PUS3: variants seen among roughly 807,000 people sequenced by gnomAD.
PUS3 encodes tRNA pseudouridine(38/39) synthase.
In PUS3, 36 loss-of-function variants were observed where a neutral mutation model predicts 43.3. That is an observed-to-expected ratio of 0.83 (90% CI 0.64 to 1.10). The LOEUF (loss-of-function observed/expected upper bound fraction) is 1.10, where lower values mean the gene tolerates loss of function less well. Ranked by LOEUF, PUS3 falls within the 50% of genes least tolerant of loss-of-function variation. The pLI, the probability that PUS3 is intolerant of heterozygous loss-of-function variation, is 0.00. For missense variants in PUS3, 544 were observed against 589.9 expected (o/e 0.92, Z 0.81); for synonymous variants, 183 against 199.2 (o/e 0.92, Z 0.69).
intron 3 of PUS3, 92 bp from the exon 4 acceptor site, chr11:125,894,378 G>T: frequency 9.9e-7 from 1 of 1,005,736 alleles, no homozygotes; most frequent in Non-Finnish European, 1.5e-6. Context: ...AAGGGAGCCG[G>T]GTAGGGCGCC....
chr11:125,898,142 A>G (rs1425557600), intron 1 of PUS3, among the ~76,000 whole-genome samples: 1 of 152,206 alleles, frequency 6.6e-6, no homozygotes, highest in African/African-American at 2.4e-5. Flanking sequence ...TAGATAAATC[A>G]TAAGAAATTG....
Position 125,895,992 on chromosome 11 carries a change from G to T in PUS3, c.293C>A (p.Thr98Asn). 6.2e-7 allele frequency: 1 copy of T among 1,614,130 alleles called. No individual in the cohort carries two copies. Among genetic ancestry groups the T allele is most frequent in the South Asian group, 1.1e-5 (1 of 91,086 alleles). The change falls in exon 2 of 4, where the codon ACC (threonine) becomes AAC (asparagine). Residue 98 changes from threonine (T) to asparagine (N), a missense_variant. By Grantham distance (65) the Thr-to-Asn change is moderately conservative. Coordinates refer to ENST00000227474, the MANE Select transcript of PUS3 (RefSeq NM_031307.4). ...TIEEKLFEAL[T>N]KTRLVESRQT... ...TCTGCTTTCTACTAGTCGAGTCTTG[G>T]TTAGAGCTTCAAACAGTTTCTCTTC...
At chr11:125,896,965 T>A (rs367685614) in intron 1 of PUS3, among the ~76,000 whole-genome samples, 1 of 152,220 alleles carries the variant, frequency 6.6e-6, no homozygotes, top group Non-Finnish European at 1.5e-5. Flanking sequence ...TCTGACCCCT[T>A]TCTAAAGCTG....
chr11:125,895,479 A>G lies in PUS3; in HGVS notation c.689T>C (p.Val230Ala). 6.2e-7 allele frequency: 1 copy of G among 1,614,082 alleles called. No homozygotes were observed. Among genetic ancestry groups the G allele is most frequent in the East Asian group, 2.2e-5 (1 of 44,902 alleles). ...CTGAAAATTAATCACACCGTTGGCT[A>G]CATCCATTTTACACAAGTTCCTGAA... ...HDFRNLCKMD[V>A]ANGVINFQRT... The change falls in exon 3 of 4, where the codon GTA becomes GCA. Residue 230 changes from valine (V) to alanine (A), a missense_variant. Transcript: ENST00000227474.
rs2134238519 is a variant in PUS3 at position 125,893,637 on chromosome 11, C to T, written c.*148G>A. 1.6e-6 allele frequency: 1 copy of T among 622,900 alleles called. No individual in the cohort carries two copies. The highest frequency in any genetic ancestry group is 2.9e-5 in the East Asian group (1 of 34,726). 38.6% of individuals were successfully genotyped at this position (622,900 alleles called of 1,614,324 possible). A position where few individuals can be genotyped will look rare whatever the true frequency, so the allele number is the denominator to read the frequency against. On this transcript the variant is annotated 3_prime_UTR_variant, in exon 4 of 4. Transcript: ENST00000227474. ...AATTTCTTATTAAAGCAATAACTTC[C>T]TTAATAGGGCTTTAGTCTTTTTGCT...
rs1396563749 is a variant in PUS3, at chr11:125,894,187, T to A, written c.1044A>T (p.Leu348=). 2 of 1,613,990 alleles carry A rather than the reference T, an allele frequency of 1.2e-6. No individual in the cohort carries two copies. Among genetic ancestry groups the A allele is most frequent in the Non-Finnish European group, 1.7e-6 (2 of 1,179,978 alleles). The stretch of plus-strand genomic sequence containing the variant: ...CAGCATGATTAGCCCACAGTTGTTG[T>A]AGGTGGGTAATATTGAACTCCTGAG... ...QEAQEFNITH[L]QQLWANHAVK... is the part of the protein sequence containing the mutation. Residue 348 remains leucine (L), a synonymous_variant, in exon 4 of 4, where the codon CTA becomes CTT. Transcript: ENST00000227474.
chr11:125,900,393 C>T (rs1221434212), intron 1 of PUS3: 1 of 888,468 alleles, frequency 1.1e-6, no homozygotes, highest in Non-Finnish European at 1.8e-6. Context: ...CTTCACCTAT[C>T]ATTGGTCTTT....
At chr11:125,902,599 T>A (rs1481425173) in intron 1 of PUS3, among the ~76,000 whole-genome samples, 6 of 117,330 alleles carry the variant, frequency 5.1e-5, no homozygotes, top group Non-Finnish European at 8.5e-5. Flanking sequence ...GCGACAGTCT[T>A]AAAAAAAAAA....
At position 125,894,112 on chromosome 11, in the gene PUS3, T is replaced by C; in HGVS notation, c.1119A>G (p.Pro373=). 4 of 1,614,204 alleles carry C rather than the reference T, an allele frequency of 2.5e-6. No individual in the cohort carries two copies. Among genetic ancestry groups the C allele is most frequent in the South Asian group, 2.2e-5 (2 of 91,086 alleles). ...TCTTTGGTCCTATTCCACAGGGTAC[T>C]GGAACAGTGTCCAGTCCTTGTAGCA... is the stretch of plus-strand genomic sequence containing the variant. ...YSMLQGLDTV[P]VPCGIGPKMD... Residue 373 remains proline (P), a synonymous_variant, in exon 4 of 4, where the codon CCA becomes CCG. Transcript: ENST00000227474.
intron 1 of PUS3, among the ~76,000 whole-genome samples, chr11:125,898,443 G>C (rs1565455792): frequency 6.6e-6 from 1 of 152,184 alleles, no homozygotes; most frequent in South Asian, 2.1e-4. Flanking sequence ...GGGAGGCCGA[G>C]GCGGGTGGGT....
In PUS3 at chr11:125,900,048, G is replaced by T; in HGVS notation, c.-47+3122C>A. The T allele has an allele frequency of 6.2e-7, 1 of 1,614,206 alleles. No individual in the cohort carries two copies. The highest frequency in any genetic ancestry group is 1.7e-5 in the Admixed American group (1 of 60,028). On this transcript the variant is annotated intron_variant, in intron 1 of 3. Transcript: ENST00000227474. Reference sequence around the variant, plus strand: ...TACAAACGGGACTGGGACTCAATACGTTTACCTGGTGAAGATCATAGAAAG... The same window carrying T: ...TACAAACGGGACTGGGACTCAATACTTTTACCTGGTGAAGATCATAGAAAG...
Position 125,894,232 on chromosome 11 carries a change from C to T in PUS3, c.999G>A (p.Lys333=), listed in dbSNP as rs142225217. 2 of 1,613,036 alleles carry T rather than the reference C, an allele frequency of 1.2e-6. No individual in the cohort carries two copies. Among genetic ancestry groups the T allele is most frequent in the Non-Finnish European group, 1.7e-6 (2 of 1,179,220 alleles). The change falls in exon 4 of 4, where the codon AAG becomes AAA. Residue 333 remains lysine, a synonymous_variant. Transcript: ENST00000227474. ...CCTGAGCCTCCTGGTCATAGATCCACTTGACATTTTCAAACTTACAGTCAT... is the reference window on the plus strand; with the variant it reads ...CCTGAGCCTCCTGGTCATAGATCCATTTGACATTTTCAAACTTACAGTCAT... ...VLYDCKFENV[K]WIYDQEAQEF... is the part of the protein sequence containing the mutation.
chr11:125,898,377 C>T (rs776084247), intron 1 of PUS3, among the ~76,000 whole-genome samples: 1 of 152,178 alleles, frequency 6.6e-6, no homozygotes, highest in Non-Finnish European at 1.5e-5. Flanking sequence ...TAGCTGGCAA[C>T]TGAAGATGCA....
intron 1 of PUS3, among the ~76,000 whole-genome samples, chr11:125,902,228 G>T (rs1484752535): frequency 6.6e-6 from 1 of 152,106 alleles, no homozygotes; most frequent in African/African-American, 2.4e-5. Context: ...CCAGGGCTGC[G>T]AAGTAACCAC....
At chr11:125,899,270 C>T (rs980754646) in intron 1 of PUS3, 14 of 1,020,784 alleles carry the variant, frequency 1.4e-5, no homozygotes, top group Admixed American at 1.0e-4. Context: ...TGCTATAAAA[C>T]GGAGATAAGG....
At position 125,895,501 on chromosome 11, in the gene PUS3, T is replaced by A; in HGVS notation, c.667A>T (p.Arg223Trp). 1 of 1,614,186 alleles carries A rather than the reference T, an allele frequency of 6.2e-7. No homozygotes were observed. Among genetic ancestry groups the A allele is most frequent in the Non-Finnish European group, 8.5e-7 (1 of 1,180,036 alleles). The change falls in exon 3 of 4, where the codon AGG becomes TGG. Residue 223 changes from arginine to tryptophan, a missense_variant. By Grantham distance (101) the Arg-to-Trp change is moderately radical (BLOSUM62 -3). Coordinates refer to ENST00000227474, the MANE Select transcript of PUS3 (RefSeq NM_031307.4). Reference sequence around the variant, plus strand: ...GCTACATCCATTTTACACAAGTTCCTGAAATCATGGGTGCCAACATACTTC... The same window carrying A: ...GCTACATCCATTTTACACAAGTTCCAGAAATCATGGGTGCCAACATACTTC... ...AQKYVGTHDFRNLCKMDVANG... is the reference protein window; with the variant it reads ...AQKYVGTHDFWNLCKMDVANG...
rs768612319 is a variant in PUS3 at position 125,899,354 on chromosome 11, A to C, written c.-46-3024T>G. The C allele has an allele frequency of 2.5e-6, 4 of 1,612,990 alleles. No individual in the cohort carries two copies. In the Admixed American group the frequency reaches 6.7e-5, roughly 27 times the overall value. On this transcript the variant is annotated intron_variant, in intron 1 of 3. Coordinates refer to ENST00000227474, the MANE Select transcript of PUS3 (RefSeq NM_031307.4). ...TGTTATCTCTTGCAGAAGGTCCTAC[A>C]GTGTAGGGGAAGCAATGGAAGAACT...
chr11:125,903,185 C>T lies in PUS3; in HGVS notation c.-62G>A. On this transcript the variant is annotated 5_prime_UTR_variant, in exon 1 of 4. Coordinates refer to ENST00000227474, the MANE Select transcript of PUS3 (RefSeq NM_031307.4). The stretch of plus-strand genomic sequence containing the variant: ...CCACACTTACTTTCCGGCAGCCGGC[C>T]GCGCCGCGTTTCCGAGAAAGGAAGC... 1.0e-6 allele frequency: 1 copy of T among 985,464 alleles called. No individual in the cohort carries two copies. The allele number at this position is 985,464 out of a possible 1,614,324, so 61.0% of individuals were successfully genotyped here. A position where few individuals can be genotyped will look rare whatever the true frequency, so the allele number is the denominator to read the frequency against.
chr11:125,902,384 AG>A (rs1022103014), intron 1 of PUS3, among the ~76,000 whole-genome samples: 2 of 39,776 alleles, frequency 5.0e-5, no homozygotes, highest in Non-Finnish European at 1.0e-4. Context: ...GGCGGGGGGG[AG>A]GGGGGGTCGC....
Sources: allele counts gnomAD v4.1 joint callset (sites outside exome capture counted in the v4.1 genomes callset), GRCh38; gene constraint gnomAD v4.1.1; transcripts MANE v1.5; gene names NCBI Gene and HGNC (gene_info 2026-07-23, HGNC 2026-07-21).